The following ZNF423 variants were observed in gnomAD, a reference collection of about 807,000 sequenced individuals.
ZNF423 encodes Ebf-associated zinc finger protein.
In ZNF423, 12 loss-of-function variants were observed where a neutral mutation model predicts 95.8. The observed-to-expected ratio is 0.13, with a 90% CI of 0.08 to 0.20. The LOEUF (loss-of-function observed/expected upper bound fraction) is 0.20, where lower values mean the gene tolerates loss of function less well. Among genes scored for constraint, ZNF423 ranks in the 10% least tolerant of loss-of-function variants. The pLI is 1.00. For missense variants in ZNF423, 1,316 were observed against 1,737.1 expected (o/e 0.76, Z 4.31); for synonymous variants, 749 against 711.9 (o/e 1.05, Z -0.83).
chr16:49,676,695 G>A (rs564239550), intron 3 of ZNF423, among the ~76,000 whole-genome samples: 2 of 152,226 alleles, frequency 1.3e-5, no homozygotes, highest in African/African-American at 4.8e-5. Context: ...AAGGATTTCT[G>A]TTCATGGAGA....
chr16:49,721,629 A>G (rs1391365277), intron 3 of ZNF423, among the ~76,000 whole-genome samples: 1 of 152,144 alleles, frequency 6.6e-6, no homozygotes, highest in East Asian at 1.9e-4. Context: ...TTTGTACAGC[A>G]GCAACACCCA....
chr16:49,697,503 T>C (rs942615381), intron 3 of ZNF423, among the ~76,000 whole-genome samples: 4 of 151,918 alleles, frequency 2.6e-5, no homozygotes, highest in African/African-American at 9.7e-5. Context: ...CCTCATACAA[T>C]TTCCAGTTAT....
intron 1 of ZNF423, among the ~76,000 whole-genome samples, chr16:49,819,303 A>C (rs989937242): frequency 6.6e-6 from 1 of 151,706 alleles, no homozygotes; most frequent in Non-Finnish European, 1.5e-5. Flanking sequence ...CCAGGTTTCA[A>C]ATGCTCAAAA....
At chr16:49,778,192 A>T (rs1445728034) in intron 2 of ZNF423, among the ~76,000 whole-genome samples, 1 of 151,608 alleles carries the variant, frequency 6.6e-6, no homozygotes, top group Non-Finnish European at 1.5e-5. Flanking sequence ...TGTGTGTGAG[A>T]GTGTGTGTGT....
At chr16:49,647,905 TA>T (rs1173671154) in intron 3 of ZNF423, among the ~76,000 whole-genome samples, 2 of 152,328 alleles carry the variant, frequency 1.3e-5, no homozygotes, top group African/African-American at 4.8e-5. Flanking sequence ...AACAAATACC[TA>T]AAATCATGGA....
chr16:49,504,519 T>C (rs11860550), intron 7 of ZNF423, among the ~76,000 whole-genome samples: 22,639 of 151,836 alleles, frequency 0.15, 2,055 homozygotes, highest in African/African-American at 0.25. Context: ...GAAGCGGAGG[T>C]TGCAATGAGC....
intron 1 of ZNF423, among the ~76,000 whole-genome samples, chr16:49,845,606 TC>T (rs991286687): frequency 4.6e-5 from 7 of 152,036 alleles, no homozygotes; most frequent in Non-Finnish European, 8.8e-5. Flanking sequence ...AGTGGCATGA[TC>T]ATGGCTCACC....
chr16:49,610,084 T>A (rs1971673617), intron 5 of ZNF423, among the ~76,000 whole-genome samples: 1 of 152,150 alleles, frequency 6.6e-6, no homozygotes, highest in South Asian at 2.1e-4. Context: ...TTCTTCTACA[T>A]CCAGTGAAAA....
intron 3 of ZNF423, among the ~76,000 whole-genome samples, chr16:49,718,158 C>A (rs2032762014): frequency 6.6e-6 from 1 of 152,184 alleles, no homozygotes; most frequent in Non-Finnish European, 1.5e-5. Flanking sequence ...TGGTGGCTCA[C>A]ACCTGTAATC....
At chr16:49,630,291 G>A (rs542429614) in intron 4 of ZNF423, among the ~76,000 whole-genome samples, 9 of 152,312 alleles carry the variant, frequency 5.9e-5, no homozygotes, top group South Asian at 4.1e-4. Flanking sequence ...GGCCATGGTC[G>A]TGGAGATGAA....
chr16:49,513,223 T>C (rs1967970233), intron 7 of ZNF423, among the ~76,000 whole-genome samples: 1 of 152,304 alleles, frequency 6.6e-6, no homozygotes, highest in Non-Finnish European at 1.5e-5. Context: ...CAACAGGTTC[T>C]CACTCCCTGG....
intron 3 of ZNF423, among the ~76,000 whole-genome samples, chr16:49,724,730 C>G (rs1330097261): frequency 6.6e-6 from 1 of 152,204 alleles, no homozygotes; most frequent in Non-Finnish European, 1.5e-5. Flanking sequence ...GTGTAATTAA[C>G]TTTCCACCCG....
At position 49,523,621 on chromosome 16, in the gene ZNF423, C is replaced by T. The variant is rs1597046955; in HGVS notation, c.3849+3G>A. On this transcript the variant is annotated splice_donor_region_variant and intron_variant, in intron 7 of 7. Transcript: ENST00000563137. ...GCGTGGTGCAGCGGATGTGGGCACC[C>T]ACCTGCAGCTCGGTCTGGAAGAAGA... 6.2e-7 allele frequency: 1 copy of T among 1,613,572 alleles called. No individual in the cohort carries two copies. Among genetic ancestry groups the T allele is most frequent in the African/African-American group, 1.3e-5 (1 of 75,056 alleles).
chr16:49,798,466 C>G (rs113422921), intron 1 of ZNF423, among the ~76,000 whole-genome samples: 3 of 150,260 alleles, frequency 2.0e-5, no homozygotes, highest in African/African-American at 7.4e-5. Flanking sequence ...CAAGATCACA[C>G]CACTGCACTC....
intron 3 of ZNF423, among the ~76,000 whole-genome samples, chr16:49,662,017 T>C (rs1195246506): frequency 1.3e-5 from 2 of 152,194 alleles, no homozygotes; most frequent in Non-Finnish European, 2.9e-5. Flanking sequence ...GATCATTGTG[T>C]GTGGTTTCCA....
chr16:49,764,564 G>A (rs561746435), intron 2 of ZNF423: 1 of 151,972 alleles, frequency 6.6e-6, no homozygotes, highest in African/African-American at 2.4e-5. Flanking sequence ...GCTCGCTGAG[G>A]ACATTCGACA....
intron 1 of ZNF423, among the ~76,000 whole-genome samples, chr16:49,852,990 ATTG>A (rs1406564621): frequency 6.6e-6 from 1 of 152,150 alleles, no homozygotes; most frequent in African/African-American, 2.4e-5. Flanking sequence ...TCCATTCGAA[ATTG>A]TTGTATTTCT....
chr16:49,673,283 A>G (rs946990563), intron 3 of ZNF423, among the ~76,000 whole-genome samples: 2 of 151,666 alleles, frequency 1.3e-5, no homozygotes, highest in African/African-American at 4.9e-5. Context: ...GAGCCCCACG[A>G]CTCCCCTGGT....
At chr16:49,724,348 A>G (rs1208884017) in intron 3 of ZNF423, among the ~76,000 whole-genome samples, 1 of 152,186 alleles carries the variant, frequency 6.6e-6, no homozygotes, top group Non-Finnish European at 1.5e-5. Flanking sequence ...TAGGGGGCGG[A>G]TATCAATTGT....
Sources: gnomAD v4.1 joint callset for allele counts (sites outside exome capture counted in the v4.1 genomes callset) on GRCh38, gnomAD v4.1.1 for gene constraint, MANE v1.5 for transcripts, NCBI Gene and HGNC (gene_info 2026-07-23, HGNC 2026-07-21) for gene names.